Variants in TSHR observed in about 807,000 individuals in gnomAD.
The protein encoded by TSHR is thyrotropin receptor.
Under a neutral mutation model 64.1 loss-of-function variants are expected in TSHR, and 51 were observed. The observed-to-expected ratio is 0.80, with a 90% CI of 0.64 to 1.01. The LOEUF (loss-of-function observed/expected upper bound fraction) is 1.01. Among genes scored for constraint, TSHR ranks in the 50% least tolerant of loss-of-function variants. The pLI is 0.00. For missense variants in TSHR, 877 were observed against 942.8 expected (o/e 0.93, Z 0.91); for synonymous variants, 361 against 361.9 (o/e 1.00, Z 0.03).
intron 1 of TSHR, among the ~76,000 whole-genome samples, chr14:81,047,336 A>G (rs1594997377): frequency 6.6e-6 from 1 of 151,920 alleles, no homozygotes; most frequent in South Asian, 2.1e-4. Context: ...ACACACACAC[A>G]CCCCTCCCCC....
At chr14:81,068,654 G>A (rs1369592150) in intron 3 of TSHR, among the ~76,000 whole-genome samples, 1 of 152,128 alleles carries the variant, frequency 6.6e-6, no homozygotes, top group East Asian at 1.9e-4. Context: ...TGATTCTATG[G>A]TCTGTGCAAG....
At chr14:81,025,893 A>G (rs1315373505) in intron 1 of TSHR, among the ~76,000 whole-genome samples, 2 of 152,202 alleles carry the variant, frequency 1.3e-5, no homozygotes, top group East Asian at 3.9e-4. Flanking sequence ...GACCAGAGAG[A>G]GGCAAGAAAC....
intron 2 of TSHR, among the ~76,000 whole-genome samples, chr14:81,063,613 T>C (rs1298577616): frequency 6.6e-6 from 1 of 152,180 alleles, no homozygotes; most frequent in Non-Finnish European, 1.5e-5. Context: ...GTGTCTCTGT[T>C]TGCATGTCCC....
At chr14:81,108,817 A>T in intron 8 of TSHR, 1 of 1,538,136 alleles carries the variant, frequency 6.5e-7, no homozygotes, top group Non-Finnish European at 8.7e-7. Flanking sequence ...AAAAAAATGT[A>T]CCTGAATGTA....
At chr14:81,101,185 T>C (rs972907977) in intron 7 of TSHR, among the ~76,000 whole-genome samples, 1 of 152,140 alleles carries the variant, frequency 6.6e-6, no homozygotes, top group Non-Finnish European at 1.5e-5. Context: ...ATTACACTAC[T>C]GAAGAAGAAT....
intron 8 of TSHR, among the ~76,000 whole-genome samples, chr14:81,135,243 T>C (rs1039598063): frequency 1.3e-5 from 2 of 152,156 alleles, no homozygotes; most frequent in Admixed American, 6.5e-5. Context: ...TGACACAAGA[T>C]TCAGAAAGAG....
chr14:81,069,116 A>G (rs1424054632), intron 3 of TSHR, among the ~76,000 whole-genome samples: 2 of 151,914 alleles, frequency 1.3e-5, no homozygotes, highest in African/African-American at 4.8e-5. Flanking sequence ...TCCTAACATT[A>G]CATTAAACAT....
intron 8 of TSHR, among the ~76,000 whole-genome samples, chr14:81,127,751 G>A (rs541207746): frequency 4.6e-5 from 7 of 152,222 alleles, no homozygotes; most frequent in South Asian, 2.1e-4. Flanking sequence ...CATGTAAGAC[G>A]TGCCTTTTGC....
At chr14:80,999,507 C>T (rs1889194224) in intron 1 of TSHR, among the ~76,000 whole-genome samples, 1 of 152,178 alleles carries the variant, frequency 6.6e-6, no homozygotes, top group African/African-American at 2.4e-5. Flanking sequence ...AACAGATTTG[C>T]TCTTTCTCTC....
intron 8 of TSHR, among the ~76,000 whole-genome samples, chr14:81,112,409 TG>T (rs1241739925): frequency 6.6e-6 from 1 of 152,182 alleles, no homozygotes; most frequent in Non-Finnish European, 1.5e-5. Flanking sequence ...GGTTCCATCC[TG>T]GGTCCTGGCT....
At chr14:81,106,842 G>A (rs1050215727) in intron 7 of TSHR, among the ~76,000 whole-genome samples, 140 of 151,602 alleles carry the variant, frequency 9.2e-4, no homozygotes, top group African/African-American at 3.2e-3. Context: ...TTACTCAGGA[G>A]GCTGAGGCAG....
intron 4 of TSHR, among the ~76,000 whole-genome samples, chr14:81,090,045 T>C (rs1888601761): frequency 2.0e-5 from 3 of 149,680 alleles, no homozygotes; most frequent in South Asian, 4.2e-4. Flanking sequence ...TATGCCAAAT[T>C]CTCAAAAAAA....
At chr14:80,985,043 G>A (rs1411465339) in intron 1 of TSHR, among the ~76,000 whole-genome samples, 1 of 152,196 alleles carries the variant, frequency 6.6e-6, no homozygotes, top group African/African-American at 2.4e-5. Context: ...GAGGTCAGGA[G>A]ATCGAGACCA....
intron 7 of TSHR, among the ~76,000 whole-genome samples, chr14:81,101,539 G>T (rs1304577534): frequency 6.6e-6 from 1 of 152,126 alleles, no homozygotes; most frequent in African/African-American, 2.4e-5. Flanking sequence ...ACAAATATGA[G>T]CTATACATAC....
chr14:81,070,000 C>T (rs1403514276), intron 3 of TSHR, among the ~76,000 whole-genome samples: 2 of 152,210 alleles, frequency 1.3e-5, no homozygotes, highest in East Asian at 3.9e-4. Flanking sequence ...CATCTAAATA[C>T]ATGAGTTTCA....
chr14:81,045,944 G>T (rs1273766369), intron 1 of TSHR, among the ~76,000 whole-genome samples: 1 of 152,148 alleles, frequency 6.6e-6, no homozygotes, highest in Non-Finnish European at 1.5e-5. Context: ...ATGACAAATG[G>T]GCTTTTCTGG....
chr14:81,016,183 T>C (rs1890175984), intron 1 of TSHR, among the ~76,000 whole-genome samples: 1 of 152,136 alleles, frequency 6.6e-6, no homozygotes, highest in Non-Finnish European at 1.5e-5. Context: ...ATTTTTAAGT[T>C]TTTCAGGGGC....
chr14:81,022,106 C>CAA (rs10631450), intron 1 of TSHR, among the ~76,000 whole-genome samples: 23,107 of 115,376 alleles, frequency 0.2, 2,514 homozygotes, highest in Non-Finnish European at 0.25. Flanking sequence ...ACTAAAAATA[C>CAA]AAAAAAAAAA....
chr14:80,964,202 A>G (rs1177889308), intron 1 of TSHR, among the ~76,000 whole-genome samples: 1 of 152,154 alleles, frequency 6.6e-6, no homozygotes, highest in Non-Finnish European at 1.5e-5. Flanking sequence ...CCAGTGTTTA[A>G]AAGTCCAACC....
Sources: allele counts gnomAD v4.1 joint callset (sites outside exome capture counted in the v4.1 genomes callset), GRCh38; gene constraint gnomAD v4.1.1; transcripts MANE v1.5; gene names NCBI Gene and HGNC (gene_info 2026-07-23, HGNC 2026-07-21).